The following FAF1 variants were observed in gnomAD, a reference collection of about 807,000 sequenced individuals.
FAF1 encodes Fas associated factor 1, also known as FAS-associated factor 1.
Under a neutral mutation model 92.5 loss-of-function variants are expected in FAF1, and 25 were observed. The ratio of observed to expected loss-of-function variants is 0.27; its 90% CI spans 0.20 to 0.38. The LOEUF (loss-of-function observed/expected upper bound fraction) is 0.38, where lower values mean the gene tolerates loss of function less well. Ranked by LOEUF, FAF1 falls within the 10% of genes least tolerant of loss-of-function variation. The pLI, the probability that FAF1 is intolerant of heterozygous loss-of-function variation, is 1.00. For synonymous variants in FAF1, 234 were observed against 273.2 expected (o/e 0.86, Z 1.42); for missense variants, 636 against 793.3 (o/e 0.80, Z 2.38).
intron 4 of FAF1, among the ~76,000 whole-genome samples, chr1:50,748,501 AAAAAAG>A (rs1659720468): frequency 6.6e-6 from 1 of 151,972 alleles, no homozygotes; most frequent in Admixed American, 6.6e-5. Context: ...CAAAAAAAAA[AAAAAAG>A]AAAAGAAAAA....
intron 1 of FAF1, among the ~76,000 whole-genome samples, chr1:50,859,040 T>C (rs1015833964): frequency 6.6e-6 from 1 of 151,870 alleles, no homozygotes; most frequent in Non-Finnish European, 1.5e-5. Flanking sequence ...ATCATCTCAA[T>C]AGATGCGGAA....
intron 1 of FAF1, among the ~76,000 whole-genome samples, chr1:50,950,354 TA>T (rs1645205017): frequency 6.6e-6 from 1 of 152,194 alleles, no homozygotes; most frequent in African/African-American, 2.4e-5. Context: ...CTGAATTTAC[TA>T]AAACCTAGAA....
chr1:50,550,269 T>A lies in FAF1; in HGVS notation c.1269-10541A>T, dbSNP rs538593264. 1.8e-3 allele frequency among the ~76,000 whole-genome samples: 266 copies of A among 147,394 alleles called. 2 individuals carry two copies. The highest frequency in any genetic ancestry group is 2.2e-3 in the Non-Finnish European group (147 of 67,476). Reference sequence around the variant, plus strand: ...GGGAGGCTGAGGCAGGAGAATGGCGTGAACCCAGGAGGCAGAGCTTGCAGT... The same window carrying A: ...GGGAGGCTGAGGCAGGAGAATGGCGAGAACCCAGGAGGCAGAGCTTGCAGT... On this transcript the variant is annotated intron_variant, in intron 13 of 18. Transcript: ENST00000396153.
At chr1:50,615,121 A>T (rs1182568533) in intron 8 of FAF1, among the ~76,000 whole-genome samples, 1 of 152,130 alleles carries the variant, frequency 6.6e-6, no homozygotes, top group African/African-American at 2.4e-5. Flanking sequence ...CCCACTTGTA[A>T]GTGAGAACAC....
At chr1:50,562,059 C>G (rs1322218059) in intron 13 of FAF1, among the ~76,000 whole-genome samples, 1 of 152,102 alleles carries the variant, frequency 6.6e-6, no homozygotes. Flanking sequence ...CTGACTGAGG[C>G]AAGAGAAGGA....
intron 8 of FAF1, among the ~76,000 whole-genome samples, chr1:50,611,089 A>G (rs1369714737): frequency 6.6e-6 from 1 of 152,218 alleles, no homozygotes; most frequent in African/African-American, 2.4e-5. Context: ...ATTACACTTT[A>G]CCAGCCAGCA....
chr1:50,505,707 CAG>C (rs1188702809), intron 15 of FAF1, among the ~76,000 whole-genome samples: 1 of 152,140 alleles, frequency 6.6e-6, no homozygotes, highest in African/African-American at 2.4e-5. Flanking sequence ...GCTACAATGA[CAG>C]AGTTAAGTAG....
intron 5 of FAF1, 100 bp downstream of exon 5, chr1:50,744,584 T>G: frequency 1.3e-6 from 1 of 742,462 alleles, no homozygotes; most frequent in South Asian, 1.6e-5. Context: ...AATCTACTAC[T>G]GCCATATGTA....
intron 4 of FAF1, among the ~76,000 whole-genome samples, chr1:50,756,411 G>A (rs1660074973): frequency 1.4e-5 from 2 of 147,244 alleles, no homozygotes; most frequent in Non-Finnish European, 2.9e-5. Context: ...GAACTTTATT[G>A]TCCATATCGC....
chr1:50,914,542 A>G (rs945291080), intron 1 of FAF1, among the ~76,000 whole-genome samples: 9 of 152,236 alleles, frequency 5.9e-5, no homozygotes, highest in African/African-American at 1.7e-4. Flanking sequence ...AAAAGATGAC[A>G]GACTTTATGC....
rs537185026 is a variant in FAF1 at position 50,888,878 on chromosome 1, T to C, written c.46-30881A>G. Among the ~76,000 whole-genome samples the C allele has an allele frequency of 2.6e-5, 4 of 152,352 alleles. No individual in the cohort carries two copies. In the East Asian group the frequency reaches 5.8e-4, roughly 22 times the overall value. Reference sequence around the variant, plus strand: ...TGGTATCAGGATGATGCTGGCTTCATAAAATGAGTTAGGGAGGATTCCCTC... The same window carrying C: ...TGGTATCAGGATGATGCTGGCTTCACAAAATGAGTTAGGGAGGATTCCCTC... On this transcript the variant is annotated intron_variant, in intron 1 of 18. Coordinates refer to ENST00000396153, the MANE Select transcript of FAF1 (RefSeq NM_007051.3).
chr1:50,687,376 C>T (rs572682687), intron 7 of FAF1, among the ~76,000 whole-genome samples: 1 of 149,294 alleles, frequency 6.7e-6, no homozygotes, highest in South Asian at 2.1e-4. Context: ...AAAAAAAACC[C>T]AACCTGAAAA....
chr1:50,806,251 T>C (rs1423762169), intron 2 of FAF1, among the ~76,000 whole-genome samples: 7 of 152,090 alleles, frequency 4.6e-5, no homozygotes, highest in Non-Finnish European at 1.0e-4. Flanking sequence ...ATGTGAATGA[T>C]GAAAAGCACA....
chr1:50,690,598 C>G (rs1324394848), intron 7 of FAF1, among the ~76,000 whole-genome samples: 1 of 151,668 alleles, frequency 6.6e-6, no homozygotes, highest in East Asian at 1.9e-4. Context: ...AAGACTGTCT[C>G]AAAAACAAAC....
chr1:50,737,665 C>T (rs1176171637), intron 6 of FAF1, among the ~76,000 whole-genome samples: 1 of 152,150 alleles, frequency 6.6e-6, no homozygotes, highest in African/African-American at 2.4e-5. Flanking sequence ...AAATTCTTAA[C>T]CCAAAACCAA....
At chr1:50,747,026 T>G (rs2124502498) in intron 4 of FAF1, among the ~76,000 whole-genome samples, 1 of 152,246 alleles carries the variant, frequency 6.6e-6, no homozygotes. Context: ...CGCATAGATT[T>G]CAGATGCTAT....
chr1:50,634,906 C>G (rs1324996724), intron 8 of FAF1, among the ~76,000 whole-genome samples: 2 of 151,980 alleles, frequency 1.3e-5, no homozygotes, highest in Non-Finnish European at 2.9e-5. Flanking sequence ...TTCAAGCAAC[C>G]CTAAGGAAAA....
chr1:50,637,672 CATAT>C (rs772902400), intron 8 of FAF1, among the ~76,000 whole-genome samples: 2 of 141,086 alleles, frequency 1.4e-5, no homozygotes, highest in Non-Finnish European at 3.1e-5. Flanking sequence ...GTGGCTCACA[CATAT>C]ATATATGTGT....
intron 13 of FAF1, among the ~76,000 whole-genome samples, chr1:50,554,386 T>TAGAGAGAGAG (rs760933574): frequency 5.0e-4 from 50 of 99,480 alleles, no homozygotes; most frequent in East Asian, 1.0e-3. Context: ...TATATATATA[T>TAGAGAGAGAG]ATATAGAGAG....
Sources: allele counts gnomAD v4.1 joint callset (sites outside exome capture counted in the v4.1 genomes callset), GRCh38; gene constraint gnomAD v4.1.1; transcripts MANE v1.5; gene names NCBI Gene and HGNC (gene_info 2026-07-23, HGNC 2026-07-21).